The following PPARGC1A variants were observed in gnomAD, a reference collection of about 807,000 sequenced individuals.
PPARGC1A encodes PPARG coactivator 1 alpha, also known as peroxisome proliferator-activated receptor gamma coactivator 1-alpha.
In PPARGC1A, 25 loss-of-function variants were observed where a neutral mutation model predicts 88.7. That is an observed-to-expected ratio of 0.28 (90% CI 0.21 to 0.39). The LOEUF is 0.39. Among genes scored for constraint, PPARGC1A ranks in the 10% least tolerant of loss-of-function variants. The pLI, the probability that PPARGC1A is intolerant of heterozygous loss-of-function variation, is 1.00. For missense variants in PPARGC1A, 880 were observed against 968.7 expected (o/e 0.91, Z 1.22); for synonymous variants, 363 against 355.6 (o/e 1.02, Z -0.24).
At chr4:24,232,744 C>T in the PPARGC1A span, among the ~76,000 whole-genome samples, 1 of 152,078 alleles carries the variant, frequency 6.6e-6, no homozygotes, top group Non-Finnish European at 1.5e-5. Flanking sequence ...TAGAAGATAC[C>T]CACAGGATCA....
the PPARGC1A span, among the ~76,000 whole-genome samples, chr4:23,968,560 A>G: frequency 2.6e-5 from 4 of 152,122 alleles, no homozygotes; most frequent in African/African-American, 9.7e-5. Flanking sequence ...TTTTCTTCTA[A>G]ATACCTTATT....
the PPARGC1A span, among the ~76,000 whole-genome samples, chr4:24,190,980 C>A: frequency 1.4e-4 from 21 of 152,278 alleles, no homozygotes; most frequent in Middle Eastern, 3.4e-3. Flanking sequence ...TAAAATAGGG[C>A]AGCTCAGTTG....
chr4:24,456,618 G>C, the PPARGC1A span, among the ~76,000 whole-genome samples: 1 of 152,094 alleles, frequency 6.6e-6, no homozygotes, highest in Non-Finnish European at 1.5e-5. Flanking sequence ...TTTGTGGACA[G>C]ATATAGAAGG....
chr4:24,425,037 G>A, the PPARGC1A span, among the ~76,000 whole-genome samples: 1 of 152,186 alleles, frequency 6.6e-6, no homozygotes, highest in Non-Finnish European at 1.5e-5. Context: ...TATAATTACA[G>A]TATCACTTAC....
chr4:23,813,185 C>A (rs188132445), intron 8 of PPARGC1A, 60 bp from the exon 9 acceptor site: 18 of 1,421,616 alleles, frequency 1.3e-5, no homozygotes, highest in Admixed American at 5.0e-5. Flanking sequence ...CCAAGTTTAT[C>A]GGCACTGTGG....
chr4:23,887,880 A>G (rs3774904), intron 1 of PPARGC1A, among the ~76,000 whole-genome samples: 16,116 of 151,968 alleles, frequency 0.11, 1,464 homozygotes, highest in East Asian at 0.42. Context: ...AAAGAATGAC[A>G]GTCTTAGTGG....
At chr4:24,406,483 G>C in the PPARGC1A span, among the ~76,000 whole-genome samples, 2 of 152,172 alleles carry the variant, frequency 1.3e-5, no homozygotes, top group Admixed American at 1.3e-4. Context: ...TCTGTGTAAA[G>C]GGATTTGGAA....
At chr4:24,351,976 G>C in the PPARGC1A span, among the ~76,000 whole-genome samples, 1 of 152,074 alleles carries the variant, frequency 6.6e-6, no homozygotes, top group African/African-American at 2.4e-5. Context: ...ATGTTCTTTG[G>C]GTTCTGGGGT....
At chr4:24,019,663 C>T in the PPARGC1A span, among the ~76,000 whole-genome samples, 1 of 152,176 alleles carries the variant, frequency 6.6e-6, no homozygotes, top group Non-Finnish European at 1.5e-5. Flanking sequence ...TAAACACTGC[C>T]TTTAAGTTAG....
At chr4:24,030,651 T>C in the PPARGC1A span, among the ~76,000 whole-genome samples, 1 of 152,182 alleles carries the variant, frequency 6.6e-6, no homozygotes, top group Admixed American at 6.5e-5. Context: ...GTGTTAAAAA[T>C]GCCCTCAACT....
the PPARGC1A span, among the ~76,000 whole-genome samples, chr4:24,471,205 G>A: frequency 6.6e-6 from 1 of 151,876 alleles, no homozygotes; most frequent in Non-Finnish European, 1.5e-5. This position sits in a 1 kb window ranked among gnomAD's most constrained non-coding sequence, Gnocchi z 5.4. Context: ...GCGGGGCCCG[G>A]GAATCCCCGG....
chr4:23,822,756 G>C (rs1723224351), intron 7 of PPARGC1A, among the ~76,000 whole-genome samples: 1 of 152,024 alleles, frequency 6.6e-6, no homozygotes, highest in Admixed American at 6.6e-5. Context: ...TCTCCAGGAA[G>C]GTTCCAAACT....
chr4:24,307,392 T>C, the PPARGC1A span, among the ~76,000 whole-genome samples: 4 of 152,228 alleles, frequency 2.6e-5, no homozygotes, highest in African/African-American at 7.2e-5. Context: ...TTTTGTGCAA[T>C]GTATATTACT....
At chr4:23,956,939 C>T in the PPARGC1A span, among the ~76,000 whole-genome samples, 1 of 152,164 alleles carries the variant, frequency 6.6e-6, no homozygotes, top group African/African-American at 2.4e-5. Flanking sequence ...GAGGTAGGTG[C>T]CCTTAGTTCC....
the PPARGC1A span, among the ~76,000 whole-genome samples, chr4:24,196,985 C>T: frequency 1.3e-5 from 2 of 152,172 alleles, no homozygotes; most frequent in Non-Finnish European, 2.9e-5. Context: ...TGCTTGAGCA[C>T]TGGATATTTT....
At chr4:24,225,111 G>A in the PPARGC1A span, among the ~76,000 whole-genome samples, 2 of 152,184 alleles carry the variant, frequency 1.3e-5, no homozygotes, top group Non-Finnish European at 2.9e-5. Context: ...CCCCTGAAGG[G>A]TCTTGAGCTG....
chr4:24,233,917 G>A, the PPARGC1A span, among the ~76,000 whole-genome samples: 1 of 152,314 alleles, frequency 6.6e-6, no homozygotes, highest in African/African-American at 2.4e-5. Flanking sequence ...TGACAGAGAT[G>A]AGAACTTTAT....
At chr4:23,913,882 C>A in the PPARGC1A span, among the ~76,000 whole-genome samples, 2 of 152,150 alleles carry the variant, frequency 1.3e-5, no homozygotes, top group Admixed American at 6.5e-5. Context: ...ACATACACTG[C>A]GTGCCTTCCA....
the PPARGC1A span, among the ~76,000 whole-genome samples, chr4:24,091,851 G>C: frequency 6.6e-5 from 10 of 152,020 alleles, no homozygotes; most frequent in East Asian, 1.4e-3. Flanking sequence ...AAGGTCAGAA[G>C]AGGGAAGTGT....
Sources: allele counts gnomAD v4.1 joint callset (sites outside exome capture counted in the v4.1 genomes callset), GRCh38; gene constraint gnomAD v4.1.1; non-coding constraint Gnocchi (gnomAD v3.1); transcripts MANE v1.5; gene names NCBI Gene and HGNC (gene_info 2026-07-23, HGNC 2026-07-21).